The following TAPT1 variants were observed in gnomAD, a reference collection of about 807,000 sequenced individuals.
TAPT1 encodes transmembrane anterior posterior transformation 1, also known as transmembrane anterior posterior transformation protein 1 homolog.
In TAPT1, 28 loss-of-function variants were observed where a neutral mutation model predicts 65.6. The ratio of observed to expected loss-of-function variants is 0.43; its 90% confidence interval spans 0.32 to 0.59. TAPT1 has a LOEUF of 0.59. TAPT1 is among the 20% of genes least tolerant of loss of function. The probability of loss-of-function intolerance (pLI) is 0.09; values close to 1 mark genes in which losing one functional copy is unlikely to be tolerated. For synonymous variants in TAPT1, 278 were observed against 245.2 expected (o/e 1.13, Z -1.25); for missense variants, 563 against 679.9 (o/e 0.83, Z 1.91).
intron 3 of TAPT1, 29 bp downstream of exon 3, chr4:16,202,433 T>C (rs1750090239): frequency 1.6e-6 from 2 of 1,257,662 alleles, no homozygotes; most frequent in Non-Finnish European, 2.3e-6. Flanking sequence ...ATACTATACA[T>C]TTACAATAGT....
intron 8 of TAPT1, among the ~76,000 whole-genome samples, chr4:16,178,331 G>A (rs1294917577): frequency 4.6e-5 from 7 of 152,078 alleles, no homozygotes; most frequent in Admixed American, 6.6e-5. Flanking sequence ...CTCCAAGACC[G>A]TATCTCTCAT....
intron 9 of TAPT1, among the ~76,000 whole-genome samples, chr4:16,175,592 A>C (rs1748271062): frequency 6.6e-6 from 1 of 152,168 alleles, no homozygotes; most frequent in South Asian, 2.1e-4. Context: ...ATATGCAATA[A>C]ATCTATAGCC....
intron 1 of TAPT1, among the ~76,000 whole-genome samples, chr4:16,217,274 A>C (rs773397728): frequency 1.3e-5 from 2 of 152,340 alleles, no homozygotes; most frequent in Non-Finnish European, 1.5e-5. Flanking sequence ...GGGACCCAGC[A>C]CATAACAGGT....
intron 2 of TAPT1, among the ~76,000 whole-genome samples, chr4:16,209,623 T>C (rs977248881): frequency 1.3e-5 from 2 of 152,180 alleles, no homozygotes; most frequent in African/African-American, 4.8e-5. Flanking sequence ...AAACTGTTCC[T>C]AGGGGACCTA....
chr4:16,213,508 A>G (rs1750761316), intron 2 of TAPT1, among the ~76,000 whole-genome samples: 1 of 152,210 alleles, frequency 6.6e-6, no homozygotes, highest in Non-Finnish European at 1.5e-5. Context: ...TCCTTACAAA[A>G]GTTATTTTGA....
intron 7 of TAPT1, among the ~76,000 whole-genome samples, chr4:16,181,796 G>C (rs1748727249): frequency 6.6e-6 from 1 of 152,220 alleles, no homozygotes; most frequent in African/African-American, 2.4e-5. Context: ...TCCAACTCCT[G>C]ATCTCAGGTG....
intron 4 of TAPT1, among the ~76,000 whole-genome samples, chr4:16,189,323 T>C (rs534850631): frequency 3.3e-5 from 5 of 152,194 alleles, no homozygotes; most frequent in Non-Finnish European, 5.9e-5. Flanking sequence ...TATCATTTCC[T>C]AATGTCTCCT....
chr4:16,195,486 A>C (rs1371590601), intron 3 of TAPT1, among the ~76,000 whole-genome samples: 2 of 152,270 alleles, frequency 1.3e-5, no homozygotes, highest in Admixed American at 1.3e-4. Context: ...GTATGTCATC[A>C]CACAAGTAAT....
At chr4:16,176,316 G>T in intron 8 of TAPT1, 88 bp from the exon 9 acceptor site, 1 of 637,646 alleles carries the variant, frequency 1.6e-6, no homozygotes, top group Non-Finnish European at 2.6e-6. Context: ...GAAATCTCTA[G>T]AACAAAACTG....
intron 3 of TAPT1, among the ~76,000 whole-genome samples, chr4:16,201,887 G>A (rs1287899309): frequency 2.6e-5 from 4 of 152,100 alleles, no homozygotes; most frequent in Non-Finnish European, 4.4e-5. Flanking sequence ...AATCAATGTC[G>A]GGTCGGGCTC....
At chr4:16,205,128 C>T (rs1041951649) in intron 2 of TAPT1, among the ~76,000 whole-genome samples, 2 of 152,186 alleles carry the variant, frequency 1.3e-5, no homozygotes, top group African/African-American at 4.8e-5. Context: ...AGGGTTTCTT[C>T]ACCTTTTAAA....
intron 1 of TAPT1, among the ~76,000 whole-genome samples, chr4:16,225,418 T>C (rs1560196809): frequency 6.6e-6 from 1 of 152,244 alleles, no homozygotes; most frequent in African/African-American, 2.4e-5. Context: ...AATGGAGTTA[T>C]GGTTCAGTTG....
chr4:16,226,191 G>GC, intron 1 of TAPT1, 68 bp downstream of exon 1: 1 of 1,077,342 alleles, frequency 9.3e-7, no homozygotes, highest in East Asian at 5.7e-5. Flanking sequence ...GTTCCAAGGC[G>GC]CCCCCGCCGC....
intron 1 of TAPT1, among the ~76,000 whole-genome samples, chr4:16,225,193 A>AG (rs1417693155): frequency 6.6e-6 from 1 of 152,216 alleles, no homozygotes; most frequent in Non-Finnish European, 1.5e-5. Context: ...ACTGCTTCAA[A>AG]TAGAACCTAC....
intron 2 of TAPT1, among the ~76,000 whole-genome samples, chr4:16,209,177 C>G (rs1001962511): frequency 6.6e-6 from 1 of 152,186 alleles, no homozygotes; most frequent in African/African-American, 2.4e-5. Context: ...CCCCATCCTA[C>G]AAAGCATATA....
chr4:16,226,010 C>T (rs1200061616), intron 1 of TAPT1: 2 of 1,001,982 alleles, frequency 2.0e-6, no homozygotes, highest in Admixed American at 1.2e-4. Context: ...CCGCAGACCC[C>T]TTCTAGGGCA....
chr4:16,225,995 C>A, intron 1 of TAPT1: 1 of 998,530 alleles, frequency 1.0e-6, no homozygotes, highest in South Asian at 4.7e-5. Flanking sequence ...ACAGAACTTT[C>A]CCGGCCGCAG....
chr4:16,219,286 A>G (rs1751113961), intron 1 of TAPT1, among the ~76,000 whole-genome samples: 1 of 152,024 alleles, frequency 6.6e-6, no homozygotes, highest in Non-Finnish European at 1.5e-5. Flanking sequence ...TAAACAGGCC[A>G]CTGTGTTACT....
intron 1 of TAPT1, among the ~76,000 whole-genome samples, chr4:16,217,421 A>T (rs1751002525): frequency 6.6e-6 from 1 of 152,228 alleles, no homozygotes; most frequent in African/African-American, 2.4e-5. Context: ...AAAGAATTAG[A>T]CATAAAACGG....
Sources: allele counts gnomAD v4.1 joint callset (sites outside exome capture counted in the v4.1 genomes callset), GRCh38; gene constraint gnomAD v4.1.1; transcripts MANE v1.5; gene names NCBI Gene and HGNC (gene_info 2026-07-23, HGNC 2026-07-21).